EBF2: variants seen among roughly 807,000 people sequenced by gnomAD.
The protein encoded by EBF2 is transcription factor COE2.
In EBF2, 21 loss-of-function variants were observed where a neutral mutation model predicts 72.8. That is an observed-to-expected ratio of 0.29 (90% CI 0.20 to 0.42). The LOEUF (loss-of-function observed/expected upper bound fraction) is 0.42. EBF2 is among the 10% of genes least tolerant of loss of function. The pLI, the probability that EBF2 is intolerant of heterozygous loss-of-function variation, is 1.00. For missense variants in EBF2, 637 were observed against 731.2 expected, an observed-to-expected ratio of 0.87 and a Z score of 1.49; for synonymous variants, 299 against 274.2, an observed-to-expected ratio of 1.09 and a Z score of -0.89.
intron 6 of EBF2, among the ~76,000 whole-genome samples, chr8:26,027,294 G>C (rs183494110): frequency 2.6e-5 from 4 of 152,184 alleles, no homozygotes; most frequent in Admixed American, 2.6e-4. Flanking sequence ...CCAAACATAT[G>C]CTTCAGTAGA....
chr8:26,005,996 C>T (rs902832905), intron 6 of EBF2, among the ~76,000 whole-genome samples: 3 of 151,920 alleles, frequency 2.0e-5, no homozygotes, highest in East Asian at 1.9e-4. Flanking sequence ...CCCTCCCCAG[C>T]GCAAGAAAAA....
chr8:26,006,554 A>G (rs1319232140), intron 6 of EBF2, among the ~76,000 whole-genome samples: 2 of 152,210 alleles, frequency 1.3e-5, no homozygotes, highest in East Asian at 1.9e-4. Flanking sequence ...TTATGACTCT[A>G]TATTTAAATA....
chr8:25,929,783 T>C (rs1426516816), intron 6 of EBF2, among the ~76,000 whole-genome samples: 1 of 151,998 alleles, frequency 6.6e-6, no homozygotes, highest in Admixed American at 6.6e-5. Flanking sequence ...TACTTCCCCA[T>C]CACTGAGCTC....
In EBF2 at chr8:26,004,117, GA is replaced by G. The variant is rs34762684; in HGVS notation, c.551+28967del. Among the ~76,000 whole-genome samples, 1,091 of 147,028 alleles carry G rather than the reference GA, an allele frequency of 7.4e-3. 11 individuals are homozygous for G. Among genetic ancestry groups the G allele is most frequent in the African/African-American group, 0.024 (975 of 40,178 alleles). On this transcript the variant is annotated intron_variant, in intron 6 of 15. Transcript: ENST00000520164. ...GGACAAGACTGACATGTTAAAAAAAGAAAAAAAAAAAGGATTAAAACTACTC... is the reference window on the plus strand; with the variant it reads ...GGACAAGACTGACATGTTAAAAAAAGAAAAAAAAAAGGATTAAAACTACTC...
At chr8:25,929,711 CA>C (rs1803449974) in intron 6 of EBF2, among the ~76,000 whole-genome samples, 1 of 152,200 alleles carries the variant, frequency 6.6e-6, no homozygotes, top group Admixed American at 6.5e-5. Context: ...GACGTCTAAA[CA>C]CACATGAGTA....
intron 6 of EBF2, among the ~76,000 whole-genome samples, chr8:26,024,014 A>T (rs1805257118): frequency 6.6e-6 from 1 of 152,136 alleles, no homozygotes; most frequent in African/African-American, 2.4e-5. Context: ...ATGTCAAAAT[A>T]CTTTTGTATG....
At chr8:26,030,849 T>C (rs149206624) in intron 6 of EBF2, among the ~76,000 whole-genome samples, 1 of 152,212 alleles carries the variant, frequency 6.6e-6, no homozygotes, top group African/African-American at 2.4e-5. Context: ...TCAGAAGAAT[T>C]TAAAGCATGC....
At chr8:26,009,928 C>T (rs1804949385) in intron 6 of EBF2, among the ~76,000 whole-genome samples, 1 of 152,200 alleles carries the variant, frequency 6.6e-6, no homozygotes. Context: ...AATCATTTCA[C>T]TGGACGCCCT....
chr8:25,898,296 T>C (rs1284783172), intron 7 of EBF2, among the ~76,000 whole-genome samples: 1 of 152,102 alleles, frequency 6.6e-6, no homozygotes, highest in Non-Finnish European at 1.5e-5. Context: ...ATTACTGAGA[T>C]GATTATTCTG....
chr8:25,848,142 G>A, intron 15 of EBF2, among the ~76,000 whole-genome samples: 1 of 152,128 alleles, frequency 6.6e-6, no homozygotes, highest in Non-Finnish European at 1.5e-5. Context: ...GGGACTATAG[G>A]TGTGTGCCAC....
intron 7 of EBF2, among the ~76,000 whole-genome samples, chr8:25,897,678 G>A (rs1802881865): frequency 6.6e-6 from 1 of 152,128 alleles, no homozygotes; most frequent in Admixed American, 6.5e-5. Context: ...TGTCCATGGT[G>A]CTGCAAAGGA....
At chr8:26,036,361 C>A (rs1474972249) in intron 5 of EBF2, among the ~76,000 whole-genome samples, 1 of 152,148 alleles carries the variant, frequency 6.6e-6, no homozygotes, top group Non-Finnish European at 1.5e-5. Context: ...CATTTTCCAA[C>A]AGTAACATAT....
intron 14 of EBF2, among the ~76,000 whole-genome samples, chr8:25,856,364 A>G (rs1157177833): frequency 6.6e-6 from 1 of 152,220 alleles, no homozygotes; most frequent in Non-Finnish European, 1.5e-5. Context: ...TACACTATAA[A>G]TACATTAAAT....
intron 6 of EBF2, among the ~76,000 whole-genome samples, chr8:26,007,025 C>A (rs1050075519): frequency 6.6e-6 from 1 of 152,190 alleles, no homozygotes; most frequent in Non-Finnish European, 1.5e-5. Context: ...CCCTTCTAGA[C>A]AGCCACAGAA....
intron 6 of EBF2, among the ~76,000 whole-genome samples, chr8:25,909,751 C>T (rs1378629907): frequency 6.6e-6 from 1 of 152,090 alleles, no homozygotes; most frequent in Admixed American, 6.5e-5. Flanking sequence ...CTTTAAAAAA[C>T]TGATGAGTAG....
intron 6 of EBF2, among the ~76,000 whole-genome samples, chr8:25,961,098 T>A (rs4872382): frequency 0.48 from 73,325 of 151,984 alleles, 18,273 homozygotes; most frequent in East Asian, 0.88. Context: ...CTATATTGCA[T>A]TGCACATATG....
intron 6 of EBF2, among the ~76,000 whole-genome samples, chr8:26,019,906 A>C (rs1448144562): frequency 1.3e-5 from 2 of 152,160 alleles, no homozygotes; most frequent in Non-Finnish European, 2.9e-5. Flanking sequence ...CCAGGGGTTG[A>C]GAAGTGGGGA....
At chr8:25,913,985 A>T (rs1291759921) in intron 6 of EBF2, among the ~76,000 whole-genome samples, 1 of 152,222 alleles carries the variant, frequency 6.6e-6, no homozygotes, top group African/African-American at 2.4e-5. Flanking sequence ...AGAACTATGC[A>T]ATACAGGGAC....
intron 5 of EBF2, 76 bp from the exon 6 acceptor site, chr8:26,033,229 A>C: frequency 7.0e-7 from 1 of 1,434,144 alleles, no homozygotes; most frequent in East Asian, 2.3e-5. Context: ...TGACAAGAAC[A>C]TTTTTTCCCC....
Sources: gnomAD v4.1 joint callset for allele counts (sites outside exome capture counted in the v4.1 genomes callset) on GRCh38, gnomAD v4.1.1 for gene constraint, MANE v1.5 for transcripts, NCBI Gene and HGNC (gene_info 2026-07-23, HGNC 2026-07-21) for gene names.